Variants in MYH10 observed in about 807,000 individuals in gnomAD.
The protein encoded by MYH10 is myosin-10.
A neutral mutation model predicts 257.8 loss-of-function variants in MYH10; 55 were observed. The observed-to-expected ratio is 0.21, with a 90% CI of 0.17 to 0.27. MYH10 has a LOEUF of 0.27. Among genes scored for constraint, MYH10 ranks in the 10% least tolerant of loss-of-function variants. The pLI is 1.00. For synonymous variants in MYH10, 854 were observed against 921.7 expected, an observed-to-expected ratio of 0.93 and a Z score of 1.33; for missense variants, 1,631 against 2,500.6, an observed-to-expected ratio of 0.65 and a Z score of 7.42.
At chr17:8,624,882 C>T (rs576769395) in intron 1 of MYH10, among the ~76,000 whole-genome samples, 5 of 152,224 alleles carry the variant, frequency 3.3e-5, no homozygotes, top group Non-Finnish European at 7.4e-5. Context: ...AGCAAGATCC[C>T]GCCTCTACAG....
intron 9 of MYH10, among the ~76,000 whole-genome samples, chr17:8,550,549 C>T (rs955621315): frequency 6.6e-6 from 1 of 150,686 alleles, no homozygotes; most frequent in African/African-American, 2.4e-5. Flanking sequence ...GCCAGCCGCC[C>T]TGCCCGGGAG....
At chr17:8,485,033 G>A (rs2151793131) in intron 36 of MYH10, among the ~76,000 whole-genome samples, 1 of 152,288 alleles carries the variant, frequency 6.6e-6, no homozygotes, top group Non-Finnish European at 1.5e-5. Flanking sequence ...TCAATTTGCA[G>A]ATGATCTGAT....
chr17:8,514,340 A>T (rs1438706154), intron 21 of MYH10, among the ~76,000 whole-genome samples: 1 of 152,054 alleles, frequency 6.6e-6, no homozygotes, highest in Non-Finnish European at 1.5e-5. Context: ...CCAACCCCCA[A>T]GGTAATTTTT....
intron 3 of MYH10, among the ~76,000 whole-genome samples, chr17:8,595,535 C>T (rs556873545): frequency 1.9e-4 from 28 of 144,742 alleles, no homozygotes; most frequent in Middle Eastern, 7.9e-3. Flanking sequence ...CGGGTTCAAG[C>T]GATTCTCCTG....
chr17:8,594,303 T>TCAC (rs2084278937), intron 3 of MYH10, among the ~76,000 whole-genome samples: 1 of 152,248 alleles, frequency 6.6e-6, no homozygotes, highest in South Asian at 2.1e-4. Context: ...TTTGGACATT[T>TCAC]CACCAAAGAT....
At chr17:8,548,260 G>T in intron 11 of MYH10, 53 bp downstream of exon 11, 2 of 1,412,172 alleles carry the variant, frequency 1.4e-6, no homozygotes, top group Admixed American at 1.8e-5. Flanking sequence ...CACCTTCTTA[G>T]AGAGCACAAC....
chr17:8,491,353 C>G (rs182881591), intron 34 of MYH10, among the ~76,000 whole-genome samples: 1 of 152,228 alleles, frequency 6.6e-6, no homozygotes, highest in African/African-American at 2.4e-5. Context: ...GTAGAGTTCT[C>G]TCTCCACATT....
Position 8,475,602 on chromosome 17 carries a change from C to T in MYH10, c.*202G>A, listed in dbSNP as rs897485185. On this transcript the variant is annotated 3_prime_UTR_variant, in exon 43 of 43. Transcript: ENST00000360416. The stretch of plus-strand genomic sequence containing the variant: ...AAACAATCTGTTTAATATATGTGTC[C>T]TGTGTGTGTCTATATATAAAAAGGG... 5.4e-5 allele frequency: 31 copies of T among 575,910 alleles called. No homozygotes were observed. The highest frequency in any genetic ancestry group is 3.4e-4 in the African/African-American group (18 of 53,678). 35.7% of individuals were successfully genotyped at this position (575,910 alleles called of 1,614,324 possible). A position where few individuals can be genotyped will look rare whatever the true frequency, so the allele number is the denominator to read the frequency against.
At chr17:8,526,433 A>G (rs2081848715) in intron 17 of MYH10, among the ~76,000 whole-genome samples, 1 of 152,160 alleles carries the variant, frequency 6.6e-6, no homozygotes, top group Admixed American at 6.5e-5. Context: ...TTATTCTTGC[A>G]CTGTAAATTC....
At chr17:8,550,587 C>T in intron 9 of MYH10, among the ~76,000 whole-genome samples, 1 of 152,066 alleles carries the variant, frequency 6.6e-6, no homozygotes, top group Non-Finnish European at 1.5e-5. Context: ...CTGGCCGCCC[C>T]TACTGGGAAG....
intron 1 of MYH10, among the ~76,000 whole-genome samples, chr17:8,626,422 C>G (rs1176691011): frequency 6.6e-6 from 1 of 151,798 alleles, no homozygotes; most frequent in Non-Finnish European, 1.5e-5. Context: ...AAAAAATTAG[C>G]TGGGCTTGGT....
At chr17:8,522,747 T>C (rs755194520) in intron 17 of MYH10, among the ~76,000 whole-genome samples, 79 of 152,222 alleles carry the variant, frequency 5.2e-4, no homozygotes, top group Non-Finnish European at 9.6e-4. Context: ...AACTTCCCAG[T>C]GTGTAGCCAA....
At chr17:8,540,044 C>T (rs1264849097) in intron 14 of MYH10, among the ~76,000 whole-genome samples, 1 of 152,172 alleles carries the variant, frequency 6.6e-6, no homozygotes, top group Non-Finnish European at 1.5e-5. Context: ...GACTGGAGTG[C>T]AGTGGTGCAA....
At chr17:8,529,370 G>C (rs184307221) in intron 17 of MYH10, among the ~76,000 whole-genome samples, 1 of 152,330 alleles carries the variant, frequency 6.6e-6, no homozygotes, top group Admixed American at 6.5e-5. Flanking sequence ...TATGAGGTTA[G>C]AAATCCAAAG....
intron 7 of MYH10, among the ~76,000 whole-genome samples, chr17:8,566,063 G>A (rs951133951): frequency 4.6e-5 from 7 of 152,096 alleles, no homozygotes; most frequent in Admixed American, 2.0e-4. Context: ...GTATTTAGCA[G>A]CATCCTTGGC....
chr17:8,587,097 G>A (rs533562676), intron 4 of MYH10, among the ~76,000 whole-genome samples: 1 of 152,236 alleles, frequency 6.6e-6, no homozygotes, highest in South Asian at 2.1e-4. Flanking sequence ...AAAAGCCAGG[G>A]ATAGACTGCC....
At chr17:8,595,309 T>C (rs2084319481) in intron 3 of MYH10, among the ~76,000 whole-genome samples, 1 of 152,074 alleles carries the variant, frequency 6.6e-6, no homozygotes, top group African/African-American at 2.4e-5. Context: ...CCTTATGAAA[T>C]CGCCATTTCA....
chr17:8,540,859 C>T (rs1394404266), intron 14 of MYH10, among the ~76,000 whole-genome samples: 1 of 152,176 alleles, frequency 6.6e-6, no homozygotes, highest in African/African-American at 2.4e-5. Context: ...GAAGTGTGTT[C>T]ATGTGCTTGT....
rs762916231 is a variant in MYH10 at position 8,553,976 on chromosome 17, C to A, written c.799G>T (p.Val267Phe). The A allele has an allele frequency of 6.2e-7, 1 of 1,612,298 alleles. No individual in the cohort carries two copies. Among genetic ancestry groups the A allele is most frequent in the Non-Finnish European group, 8.5e-7 (1 of 1,179,018 alleles). Residue 267 changes from valine to phenylalanine, a missense_variant, in exon 8 of 43, where the codon GTT becomes TTT. Physicochemically the swap from Val to Phe is conservative, Grantham distance 50. Transcript: ENST00000360416. ...ATACATGTTTCAATGTTGGCCCCAACGATATAGCCAGTTACATCAAAGTTG... is the reference window on the plus strand; with the variant it reads ...ATACATGTTTCAATGTTGGCCCCAAAGATATAGCCAGTTACATCAAAGTTG... Reference protein sequence around the residue: ...RINFDVTGYIVGANIETYLLE... With the variant: ...RINFDVTGYIFGANIETYLLE...
Sources: allele counts gnomAD v4.1 joint callset (sites outside exome capture counted in the v4.1 genomes callset), GRCh38; gene constraint gnomAD v4.1.1; transcripts MANE v1.5; gene names NCBI Gene and HGNC (gene_info 2026-07-23, HGNC 2026-07-21).